Variants in GRM7 observed in about 807,000 individuals in gnomAD.
GRM7 encodes the protein metabotropic glutamate receptor 7.
GRM7 carries 35 observed loss-of-function variants against 84.5 expected under a neutral mutation model. The observed-to-expected ratio is 0.41, with a 90% CI of 0.32 to 0.55. GRM7 has a LOEUF of 0.55. Ranked by LOEUF, GRM7 falls within the 20% of genes least tolerant of loss-of-function variation. The pLI, the probability that GRM7 is intolerant of heterozygous loss-of-function variation, is 0.19. For synonymous variants in GRM7, 487 were observed against 455.1 expected, an observed-to-expected ratio of 1.07 and a Z score of -0.89; for missense variants, 1,003 against 1,194.6, an observed-to-expected ratio of 0.84 and a Z score of 2.36.
chr3:7,309,038 T>C (rs1406070918), intron 4 of GRM7, among the ~76,000 whole-genome samples: 1 of 152,160 alleles, frequency 6.6e-6, no homozygotes, highest in Non-Finnish European at 1.5e-5. Context: ...TAGAATGTGA[T>C]GGAATAGCAA....
At chr3:7,676,047 T>A (rs1190310615) in intron 8 of GRM7, among the ~76,000 whole-genome samples, 1 of 152,046 alleles carries the variant, frequency 6.6e-6, no homozygotes, top group Non-Finnish European at 1.5e-5. Flanking sequence ...GTGATCGTGA[T>A]CTTGGCTCAG....
At chr3:7,093,975 A>G (rs1451405601) in intron 1 of GRM7, among the ~76,000 whole-genome samples, 2 of 152,104 alleles carry the variant, frequency 1.3e-5, no homozygotes, top group East Asian at 1.9e-4. Context: ...AACTAATTAG[A>G]CAGTTTAGGT....
intron 6 of GRM7, among the ~76,000 whole-genome samples, chr3:7,457,224 C>T (rs1698054937): frequency 1.3e-5 from 2 of 152,130 alleles, no homozygotes; most frequent in African/African-American, 2.4e-5. Flanking sequence ...TAATTCTGGT[C>T]TTCACATTTG....
At chr3:7,179,522 A>G (rs1695268247) in intron 2 of GRM7, among the ~76,000 whole-genome samples, 1 of 152,204 alleles carries the variant, frequency 6.6e-6, no homozygotes, top group South Asian at 2.1e-4. Context: ...TAGATTCAAA[A>G]TAGTCACTGC....
chr3:7,577,339 T>C (rs1269653718), intron 7 of GRM7, among the ~76,000 whole-genome samples: 15 of 152,184 alleles, frequency 9.9e-5, no homozygotes, highest in Admixed American at 9.8e-4. Context: ...AACAAGTCCA[T>C]ATGATGGTGA....
At chr3:7,484,208 T>A (rs904010273) in intron 7 of GRM7, among the ~76,000 whole-genome samples, 1 of 152,212 alleles carries the variant, frequency 6.6e-6, no homozygotes, top group South Asian at 2.1e-4. Flanking sequence ...CAATTTCTGA[T>A]ACATACGTGG....
intron 9 of GRM7, among the ~76,000 whole-genome samples, chr3:7,724,988 C>T (rs527347691): frequency 3.3e-5 from 5 of 151,984 alleles, no homozygotes; most frequent in Non-Finnish European, 7.4e-5. Context: ...CTTTAGTGCC[C>T]ATGCTATTCT....
chr3:7,454,092 T>TCACA (rs1559334129), intron 6 of GRM7, among the ~76,000 whole-genome samples: 1 of 114,664 alleles, frequency 8.7e-6, no homozygotes, highest in Non-Finnish European at 1.6e-5. Flanking sequence ...ACACACACAC[T>TCACA]CTCTCTCTCT....
intron 7 of GRM7, among the ~76,000 whole-genome samples, chr3:7,473,042 G>A (rs115074315): frequency 5.9e-5 from 9 of 152,304 alleles, no homozygotes; most frequent in East Asian, 3.9e-4. Flanking sequence ...CTCTGGCTGC[G>A]AAAGGCAATG....
chr3:7,575,197 C>T (rs1465779073), intron 7 of GRM7, among the ~76,000 whole-genome samples: 1 of 152,122 alleles, frequency 6.6e-6, no homozygotes, highest in Non-Finnish European at 1.5e-5. Context: ...CTCAGCCCTT[C>T]CCCAGGAGCT....
chr3:6,938,854 G>A (rs1269289989), intron 1 of GRM7, among the ~76,000 whole-genome samples: 1 of 152,162 alleles, frequency 6.6e-6, no homozygotes, highest in Non-Finnish European at 1.5e-5. Context: ...GGAAGGTCAA[G>A]CTCACATCTG....
chr3:7,701,166 C>T (rs3804823), intron 9 of GRM7, among the ~76,000 whole-genome samples: 4 of 152,132 alleles, frequency 2.6e-5, no homozygotes, highest in South Asian at 4.1e-4. Context: ...TCTGGCATAA[C>T]GATACAGGGG....
intron 1 of GRM7, among the ~76,000 whole-genome samples, chr3:6,967,892 G>T (rs535096012): frequency 5.9e-5 from 9 of 152,140 alleles, no homozygotes; most frequent in Non-Finnish European, 1.3e-4. Flanking sequence ...CTGGGGTGTG[G>T]AGAGGAGGAG....
intron 1 of GRM7, among the ~76,000 whole-genome samples, chr3:7,049,696 A>T (rs1344388916): frequency 1.3e-5 from 2 of 151,926 alleles, no homozygotes; most frequent in African/African-American, 4.8e-5. Flanking sequence ...AAATTATTGC[A>T]AAAGAAGCCC....
At chr3:7,666,914 T>G (rs1053789113) in intron 8 of GRM7, among the ~76,000 whole-genome samples, 1 of 152,220 alleles carries the variant, frequency 6.6e-6, no homozygotes, top group South Asian at 2.1e-4. Context: ...GGTAGATAAA[T>G]AGTTCCCAAG....
intron 2 of GRM7, among the ~76,000 whole-genome samples, chr3:7,290,787 G>A (rs940081832): frequency 1.3e-5 from 2 of 152,050 alleles, no homozygotes; most frequent in Non-Finnish European, 2.9e-5. Context: ...ACTTCTGGGG[G>A]TGTTCATCTG....
At chr3:6,985,774 TG>T (rs1312499906) in intron 1 of GRM7, among the ~76,000 whole-genome samples, 1 of 152,062 alleles carries the variant, frequency 6.6e-6, no homozygotes, top group Non-Finnish European at 1.5e-5. Flanking sequence ...AACAAAAACG[TG>T]TTATTAAATC....
At position 7,118,759 on chromosome 3, in the gene GRM7, G is replaced by A. The variant is rs576914588; in HGVS notation, c.520-27693G>A. Reference sequence around the variant, plus strand: ...TGCCTCTGGAAACTTCCTACAGAATGTTTTTGTCTTTTTAGATCTGAAAAT... The same window carrying A: ...TGCCTCTGGAAACTTCCTACAGAATATTTTTGTCTTTTTAGATCTGAAAAT... On this transcript the variant is annotated intron_variant, in intron 1 of 9. Transcript: ENST00000357716. Among the ~76,000 whole-genome samples, 7 of 152,062 alleles carry A rather than the reference G, an allele frequency of 4.6e-5. No homozygotes were observed. In the South Asian group the frequency reaches 1.5e-3, roughly 32 times the overall value.
intron 1 of GRM7, among the ~76,000 whole-genome samples, chr3:7,011,222 C>G (rs537928919): frequency 6.6e-6 from 1 of 152,034 alleles, no homozygotes; most frequent in Non-Finnish European, 1.5e-5. Flanking sequence ...CAGAATGGTA[C>G]CTGGCACATA....
Sources: gnomAD v4.1 joint callset for allele counts (sites outside exome capture counted in the v4.1 genomes callset) on GRCh38, gnomAD v4.1.1 for gene constraint, MANE v1.5 for transcripts, NCBI Gene and HGNC (gene_info 2026-07-23, HGNC 2026-07-21) for gene names.